The following MS4A10 variants were observed in gnomAD, a reference collection of about 807,000 sequenced individuals.
The protein encoded by MS4A10 is membrane spanning 4-domains A10, also known as membrane-spanning 4-domains subfamily A member 10.
MS4A10 carries 27 observed loss-of-function variants against 27.7 expected under a neutral mutation model. The ratio of observed to expected loss-of-function variants is 0.98; its 90% CI spans 0.72 to 1.35. MS4A10 has a LOEUF of 1.35. MS4A10 is among the 40% of genes most tolerant of loss of function. The pLI, the probability that MS4A10 is intolerant of heterozygous loss-of-function variation, is 0.00. For missense variants in MS4A10, 338 were observed against 324.7 expected, an observed-to-expected ratio of 1.04 and a Z score of -0.32; for synonymous variants, 139 against 131.2, an observed-to-expected ratio of 1.06 and a Z score of -0.41.
intron 7 of MS4A10, among the ~76,000 whole-genome samples, chr11:60,798,973 C>A (rs1034893860): frequency 1.3e-5 from 2 of 152,228 alleles, no homozygotes; most frequent in Non-Finnish European, 2.9e-5. Flanking sequence ...TTGCCTCAAC[C>A]TACTAAGACA....
intron 7 of MS4A10, among the ~76,000 whole-genome samples, chr11:60,799,163 T>C (rs1404263657): frequency 2.6e-5 from 4 of 152,200 alleles, no homozygotes; most frequent in Non-Finnish European, 5.9e-5. Context: ...GATGACATGA[T>C]CCAGGAGTCT....
chr11:60,797,429 C>T (rs1359856437), intron 6 of MS4A10, among the ~76,000 whole-genome samples: 1 of 152,130 alleles, frequency 6.6e-6, no homozygotes, highest in East Asian at 1.9e-4. Context: ...CAAGGTGTGT[C>T]GCCAGGACTG....
rs1315491531 is a variant in MS4A10, at chr11:60,798,529, C to T, written c.722+15C>T. 15 of 1,598,818 alleles carry T rather than the reference C, an allele frequency of 9.4e-6. No homozygotes were observed. The highest frequency in any genetic ancestry group is 2.7e-5 in the African/African-American group (2 of 74,640). On this transcript the variant is annotated intron_variant, in intron 7 of 7. Transcript: ENST00000308287. ...CAACATCAGAGGTGAAGAGGTTTGG[C>T]CCTGGCTCCCCAGACCTTCAGAACC...
chr11:60,790,932 G>A (rs760145716), intron 2 of MS4A10, 42 bp from the exon 3 acceptor site: 2 of 1,610,410 alleles, frequency 1.2e-6, no homozygotes, highest in Admixed American at 1.7e-5. Context: ...TAGAGCCAGT[G>A]ACCGATGCCC....
At chr11:60,794,235 C>T in intron 5 of MS4A10, 132 bp downstream of exon 5, 2 of 1,014,164 alleles carry the variant, frequency 2.0e-6, no homozygotes, top group Admixed American at 4.6e-5. Flanking sequence ...CCTTTGCCAA[C>T]CTGTTTCTGT....
intron 1 of MS4A10, 109 bp downstream of exon 1, chr11:60,785,530 A>C (rs1854321165): frequency 6.6e-6 from 1 of 152,128 alleles, no homozygotes; most frequent in African/African-American, 2.4e-5. Context: ...AAGCCAGGGG[A>C]CCGGCCTCTT....
chr11:60,789,319 C>T (rs978349286), intron 1 of MS4A10, among the ~76,000 whole-genome samples: 2 of 152,206 alleles, frequency 1.3e-5, no homozygotes, highest in African/African-American at 4.8e-5. Flanking sequence ...AAGCCAGCTC[C>T]CTTTCTTCCC....
chr11:60,794,180 G>C, intron 5 of MS4A10, 77 bp downstream of exon 5: 3 of 1,576,504 alleles, frequency 1.9e-6, no homozygotes, highest in Non-Finnish European at 2.6e-6. Flanking sequence ...GAGGTTTCCA[G>C]CTCACAGAAA....
chr11:60,786,457 C>A (rs1854340084), intron 1 of MS4A10, among the ~76,000 whole-genome samples: 1 of 151,966 alleles, frequency 6.6e-6, no homozygotes, highest in African/African-American at 2.4e-5. Flanking sequence ...CGACCCCCTA[C>A]CCCCACCCCA....
intron 2 of MS4A10, 54 bp downstream of exon 2, chr11:60,790,572 A>G (rs1854413950): frequency 3.8e-6 from 6 of 1,593,318 alleles, no homozygotes; most frequent in African/African-American, 1.3e-5. Context: ...AGAGGGGGAT[A>G]TGAGGAGGAT....
chr11:60,800,136 G>A lies in MS4A10; in HGVS notation c.*227G>A. 1 of 593,924 alleles carries A rather than the reference G, an allele frequency of 1.7e-6. No homozygotes were observed. The highest frequency in any genetic ancestry group is 2.5e-5 in the South Asian group (1 of 40,392). The allele number at this position is 593,924 out of a possible 1,614,324, so 36.8% of individuals were successfully genotyped here. The stretch of plus-strand genomic sequence containing the variant: ...GTGGTGGCCCAGATTGTTTTGTTTT[G>A]TTTCGCTTTGTTTTGTTTTCTTTTG... On this transcript the variant is annotated 3_prime_UTR_variant, in exon 8 of 8. Transcript: ENST00000308287.
chr11:60,798,558 G>A (rs200808783), intron 7 of MS4A10, 44 bp downstream of exon 7: 65 of 1,457,530 alleles, frequency 4.5e-5, no homozygotes, highest in East Asian at 3.2e-4. Context: ...CAGAACCCAC[G>A]CTTGGCCCCT....
At chr11:60,785,927 C>T (rs1191673904) in intron 1 of MS4A10, among the ~76,000 whole-genome samples, 1 of 152,068 alleles carries the variant, frequency 6.6e-6, no homozygotes, top group South Asian at 2.1e-4. Flanking sequence ...TTCCTGCAGG[C>T]CTTCCAGCTG....
At chr11:60,796,171 A>G (rs868089351) in intron 6 of MS4A10, among the ~76,000 whole-genome samples, 7 of 145,114 alleles carry the variant, frequency 4.8e-5, no homozygotes, top group Non-Finnish European at 1.1e-4. Flanking sequence ...CAGGGACTCT[A>G]TTAAGCATCA....
Position 60,801,100 on chromosome 11 carries a change from A to G in MS4A10, c.*1191A>G, listed in dbSNP as rs1854630632. ...AGCCACCACCCCTGGCTGAAACCCA[A>G]TCTTTCAAAACATGAAAGGGGGTGA... On this transcript the variant is annotated 3_prime_UTR_variant, in exon 8 of 8. Coordinates refer to ENST00000308287, the MANE Select transcript of MS4A10 (RefSeq NM_206893.4). 1 of 152,190 alleles carries G rather than the reference A, an allele frequency of 6.6e-6. No individual in the cohort carries two copies. The highest frequency in any genetic ancestry group is 2.4e-5 in the African/African-American group (1 of 41,446). 9.4% of individuals were successfully genotyped at this position (152,190 alleles called of 1,614,324 possible).
intron 5 of MS4A10, among the ~76,000 whole-genome samples, chr11:60,794,682 G>T (rs1854494534): frequency 2.0e-5 from 3 of 151,672 alleles, no homozygotes; most frequent in Admixed American, 1.3e-4. Context: ...TTTTTTTTTG[G>T]AAGGGGCGGG....
At chr11:60,790,267 C>G in intron 1 of MS4A10, 47 bp from the exon 2 acceptor site, 6 of 1,527,330 alleles carry the variant, frequency 3.9e-6, no homozygotes, top group Non-Finnish European at 5.4e-6. Flanking sequence ...CAGGCACAAG[C>G]CTCAGAAATG....
chr11:60,801,295 G>T lies in MS4A10; in HGVS notation c.*1386G>T, dbSNP rs10750945. ...ACATTGATGGTTTACATCAATAAAG[G>T]TTGAAACGGCTTCTGGTTCGACTTC... On this transcript the variant is annotated 3_prime_UTR_variant, in exon 8 of 8. Transcript: ENST00000308287. 66,817 of 152,160 alleles carry T rather than the reference G, an allele frequency of 0.44. 15,809 individuals are homozygous for T. The highest frequency in any genetic ancestry group is 0.88 in the East Asian group (4,526 of 5,164). The allele number at this position is 152,160 out of a possible 1,614,324, so 9.4% of individuals were successfully genotyped here.
chr11:60,794,236 C>A (rs917700816), intron 5 of MS4A10, 133 bp downstream of exon 5: 8 of 999,274 alleles, frequency 8.0e-6, no homozygotes, highest in Non-Finnish European at 1.2e-5. Context: ...CTTTGCCAAC[C>A]TGTTTCTGTC....
Sources: gnomAD v4.1 joint callset for allele counts (sites outside exome capture counted in the v4.1 genomes callset) on GRCh38, gnomAD v4.1.1 for gene constraint, MANE v1.5 for transcripts, NCBI Gene and HGNC (gene_info 2026-07-23, HGNC 2026-07-21) for gene names.